BACE2: variants seen among roughly 807,000 people sequenced by gnomAD.
BACE2 encodes the protein 56 kDa aspartic-like protease.
A neutral mutation model predicts 46.2 loss-of-function variants in BACE2; 17 were observed. The ratio of observed to expected loss-of-function variants is 0.37; its 90% CI spans 0.25 to 0.55. The LOEUF (loss-of-function observed/expected upper bound fraction) is 0.55, where lower values mean the gene tolerates loss of function less well. BACE2 is among the 20% of genes least tolerant of loss of function. BACE2 has a pLI of 0.82. For missense variants in BACE2, 595 were observed against 698.1 expected (o/e 0.85, Z 1.66); for synonymous variants, 277 against 295.9 (o/e 0.94, Z 0.66).
intron 2 of BACE2, among the ~76,000 whole-genome samples, chr21:41,234,812 G>A (rs1987068851): frequency 6.6e-6 from 1 of 152,202 alleles, no homozygotes; most frequent in Non-Finnish European, 1.5e-5. Context: ...TCAAAGACCT[G>A]ACTGCATGTT....
rs1249773380 is a variant in BACE2, at chr21:41,277,072, TC to T, written c.*1451del. 1.1e-5 allele frequency: 1 copy of T among 88,600 alleles called. No individual in the cohort carries two copies. The highest frequency in any genetic ancestry group is 3.4e-5 in the African/African-American group (1 of 29,642). The allele number at this position is 88,600 out of a possible 1,614,324, so 5.5% of individuals were successfully genotyped here. A position where few individuals can be genotyped will look rare whatever the true frequency, so the allele number is the denominator to read the frequency against. ...CCTGCTTGTGTGCCAAGTTCAGTGT[TC>T]CCTTTGCATTTTTTTGGGGTGGGTT... On this transcript the variant is annotated 3_prime_UTR_variant, in exon 9 of 9. Transcript: ENST00000330333.
intron 1 of BACE2, among the ~76,000 whole-genome samples, chr21:41,174,906 C>A (rs1984756253): frequency 6.6e-6 from 1 of 152,140 alleles, no homozygotes; most frequent in Admixed American, 6.5e-5. Context: ...ATAGGGCATA[C>A]CTGTGAGGCA....
chr21:41,270,596 AT>A (rs1290587152), intron 8 of BACE2, among the ~76,000 whole-genome samples: 1 of 152,166 alleles, frequency 6.6e-6, no homozygotes, highest in Non-Finnish European at 1.5e-5. Context: ...CAAATGTGTT[AT>A]TTAGTTTCCA....
chr21:41,243,334 G>T, intron 4 of BACE2, 42 bp from the exon 5 acceptor site: 1 of 1,515,324 alleles, frequency 6.6e-7, no homozygotes, highest in South Asian at 1.4e-5. Flanking sequence ...TGATATGTCT[G>T]TGTATTTTTT....
At chr21:41,251,407 G>A (rs187866044) in intron 7 of BACE2, among the ~76,000 whole-genome samples, 6 of 152,328 alleles carry the variant, frequency 3.9e-5, no homozygotes, top group Admixed American at 2.6e-4. Context: ...CCATGGAGCC[G>A]CATTGCCAAG....
At chr21:41,212,854 A>C (rs1036292783) in intron 1 of BACE2, among the ~76,000 whole-genome samples, 1 of 152,240 alleles carries the variant, frequency 6.6e-6, no homozygotes, top group Admixed American at 6.5e-5. Flanking sequence ...CTTTGCTTAT[A>C]CTTGGACATT....
At chr21:41,263,106 G>A (rs1987980991) in intron 8 of BACE2, among the ~76,000 whole-genome samples, 1 of 152,066 alleles carries the variant, frequency 6.6e-6, no homozygotes, top group African/African-American at 2.4e-5. Flanking sequence ...GCATAGGATA[G>A]GTTTGTGGAA....
At chr21:41,268,449 A>G (rs1302978559) in intron 8 of BACE2, among the ~76,000 whole-genome samples, 2 of 152,236 alleles carry the variant, frequency 1.3e-5, no homozygotes, top group African/African-American at 4.8e-5. Flanking sequence ...CATTCCTGGA[A>G]AAAGCCCCCA....
intron 8 of BACE2, among the ~76,000 whole-genome samples, chr21:41,266,377 T>C (rs1988067799): frequency 6.6e-6 from 1 of 152,242 alleles, no homozygotes; most frequent in Non-Finnish European, 1.5e-5. Flanking sequence ...TGCAATTTTT[T>C]GTTGTGAGCT....
chr21:41,270,214 A>G (rs2088420927), intron 8 of BACE2, among the ~76,000 whole-genome samples: 1 of 152,160 alleles, frequency 6.6e-6, no homozygotes, highest in African/African-American at 2.4e-5. Flanking sequence ...CCTCAGAGTT[A>G]TTTATATATG....
intron 7 of BACE2, among the ~76,000 whole-genome samples, chr21:41,255,960 T>C (rs965994877): frequency 2.6e-5 from 4 of 151,918 alleles, no homozygotes; most frequent in Admixed American, 6.6e-5. Flanking sequence ...CCCTGCAGAG[T>C]TGTCTCTTGT....
intron 5 of BACE2, among the ~76,000 whole-genome samples, chr21:41,245,139 A>G (rs922523127): frequency 6.6e-6 from 1 of 152,280 alleles, no homozygotes; most frequent in African/African-American, 2.4e-5. Flanking sequence ...TTTTACACTG[A>G]AAATAATTTA....
In BACE2 at chr21:41,277,232, C is replaced by A. The variant is rs1276046507; in HGVS notation, c.*1608C>A. The A allele has an allele frequency of 6.6e-6, 1 of 152,080 alleles. No homozygotes were observed. Among genetic ancestry groups the A allele is most frequent in the Non-Finnish European group, 1.5e-5 (1 of 68,082 alleles). 9.4% of individuals were successfully genotyped at this position (152,080 alleles called of 1,614,324 possible). A position where few individuals can be genotyped will look rare whatever the true frequency, so the allele number is the denominator to read the frequency against. On this transcript the variant is annotated 3_prime_UTR_variant, in exon 9 of 9. Coordinates refer to ENST00000330333, the MANE Select transcript of BACE2 (RefSeq NM_012105.5). Reference sequence around the variant, plus strand: ...CCTGGGTCCCCGGGTCACCACCATACTGAGAAATATAGGACTCTGCCAAAG... The same window carrying A: ...CCTGGGTCCCCGGGTCACCACCATAATGAGAAATATAGGACTCTGCCAAAG...
intron 1 of BACE2, among the ~76,000 whole-genome samples, chr21:41,189,256 A>G (rs1213721931): frequency 6.6e-6 from 1 of 151,150 alleles, no homozygotes; most frequent in Non-Finnish European, 1.5e-5. Context: ...CATAACGTTC[A>G]TGTCTGAGAA....
At chr21:41,240,792 TAGG>T (rs1370370635) in intron 3 of BACE2, among the ~76,000 whole-genome samples, 1 of 152,156 alleles carries the variant, frequency 6.6e-6, no homozygotes, top group African/African-American at 2.4e-5. Context: ...ATGAAACAAG[TAGG>T]AGGTCAAACA....
At position 41,249,513 on chromosome 21, in the gene BACE2, C is replaced by A. The variant is rs546526153; in HGVS notation, c.985-1239C>A. Among the ~76,000 whole-genome samples, 4 of 152,296 alleles carry A rather than the reference C, an allele frequency of 2.6e-5. No individual in the cohort carries two copies. The East Asian group carries it at 7.7e-4, about 29-fold the overall frequency. Reference sequence around the variant, plus strand: ...GTCATGGCATTCCTTCACAGTGGCACCCCTCGTTCCCTCCCCACCTCATCT... The same window carrying A: ...GTCATGGCATTCCTTCACAGTGGCAACCCTCGTTCCCTCCCCACCTCATCT... On this transcript the variant is annotated intron_variant, in intron 6 of 8. Coordinates refer to ENST00000330333, the MANE Select transcript of BACE2 (RefSeq NM_012105.5).
intron 1 of BACE2, among the ~76,000 whole-genome samples, chr21:41,203,330 G>T (rs1484124006): frequency 6.6e-6 from 1 of 152,120 alleles, no homozygotes; most frequent in Admixed American, 6.6e-5. Context: ...GAAAAAGGAG[G>T]GGTGGGAGAG....
At chr21:41,183,823 C>G (rs1011255404) in intron 1 of BACE2, 1 of 167,058 alleles carries the variant, frequency 6.0e-6, no homozygotes, top group Non-Finnish European at 1.5e-5. Context: ...CTCACCAGAG[C>G]AGTTAGGACA....
intron 1 of BACE2, among the ~76,000 whole-genome samples, chr21:41,188,125 A>G (rs1401327344): frequency 6.6e-6 from 1 of 152,122 alleles, no homozygotes; most frequent in African/African-American, 2.4e-5. Flanking sequence ...TTGCACCCAA[A>G]TAGGAGAGAA....
Sources: allele counts gnomAD v4.1 joint callset (sites outside exome capture counted in the v4.1 genomes callset), GRCh38; gene constraint gnomAD v4.1.1; transcripts MANE v1.5; gene names NCBI Gene and HGNC (gene_info 2026-07-23, HGNC 2026-07-21).